Variants in GABBR2 observed in about 807,000 individuals in gnomAD.
The protein encoded by GABBR2 is G-protein coupled receptor 51.
A neutral mutation model predicts 105.6 loss-of-function variants in GABBR2; 23 were observed. The ratio of observed to expected loss-of-function variants is 0.22; its 90% CI spans 0.16 to 0.31. The LOEUF (loss-of-function observed/expected upper bound fraction) is 0.31. Among genes scored for constraint, GABBR2 ranks in the 10% least tolerant of loss-of-function variants. The pLI is 1.00. For synonymous variants in GABBR2, 478 were observed against 499.7 expected (o/e 0.96, Z 0.58); for missense variants, 734 against 1,245.5 (o/e 0.59, Z 6.18).
At chr9:98,675,623 T>A (rs1830467525) in intron 1 of GABBR2, among the ~76,000 whole-genome samples, 1 of 151,864 alleles carries the variant, frequency 6.6e-6, no homozygotes, top group Non-Finnish European at 1.5e-5. Flanking sequence ...AAGGTGGGAG[T>A]GGGTGAGTGG....
At position 98,606,021 on chromosome 9, in the gene GABBR2, G is replaced by A. The variant is rs552354902; in HGVS notation, c.322-27949C>T. Among the ~76,000 whole-genome samples, 10 of 152,116 alleles carry A rather than the reference G, an allele frequency of 6.6e-5. No individual in the cohort carries two copies. The East Asian group carries it at 9.7e-4, about 15-fold the overall frequency. On this transcript the variant is annotated intron_variant, in intron 1 of 18. Coordinates refer to ENST00000259455, the MANE Select transcript of GABBR2 (RefSeq NM_005458.8). ...TTCCCACCTATGAGTGAGAACATGC[G>A]GTGTTTGGTTTTTTGTCCTTGCTAT...
At chr9:98,333,935 A>G (rs1831071123) in intron 13 of GABBR2, among the ~76,000 whole-genome samples, 7 of 152,224 alleles carry the variant, frequency 4.6e-5, no homozygotes, top group Admixed American at 4.6e-4. Flanking sequence ...TGGGGATAAT[A>G]ATGGTAATTC....
At chr9:98,294,869 TCAAAATAATATTGTGTAGC>T (rs1356419978) in intron 17 of GABBR2, among the ~76,000 whole-genome samples, 7 of 152,222 alleles carry the variant, frequency 4.6e-5, no homozygotes, top group Non-Finnish European at 7.3e-5. Context: ...GGACCTCCAT[TCAAAATAATATTGTGTAGC>T]CACAAAATAT....
chr9:98,392,279 T>C (rs1832195138), intron 9 of GABBR2, among the ~76,000 whole-genome samples: 1 of 152,230 alleles, frequency 6.6e-6, no homozygotes, highest in East Asian at 1.9e-4. Flanking sequence ...AAGTTGTATT[T>C]TGTGTCTTTT....
At chr9:98,390,696 C>G (rs910267124) in intron 9 of GABBR2, among the ~76,000 whole-genome samples, 2 of 152,096 alleles carry the variant, frequency 1.3e-5, no homozygotes, top group African/African-American at 4.8e-5. Context: ...ACACCTGGCT[C>G]AGGTGCCTTC....
intron 3 of GABBR2, among the ~76,000 whole-genome samples, chr9:98,511,988 C>T (rs1469562928): frequency 1.3e-5 from 2 of 152,180 alleles, no homozygotes; most frequent in Non-Finnish European, 2.9e-5. Flanking sequence ...CCTTCATGAA[C>T]ATCGATGCAG....
intron 1 of GABBR2, among the ~76,000 whole-genome samples, chr9:98,633,740 C>T (rs555868273): frequency 2.6e-5 from 4 of 151,996 alleles, no homozygotes; most frequent in South Asian, 4.2e-4. Flanking sequence ...GGAGCCAGGG[C>T]GGGGAGGGAC....
chr9:98,565,210 C>T (rs775708218), intron 2 of GABBR2, among the ~76,000 whole-genome samples: 6 of 152,154 alleles, frequency 3.9e-5, no homozygotes, highest in Non-Finnish European at 8.8e-5. Flanking sequence ...AAAGCTCTGG[C>T]GGAGATCAAG....
intron 13 of GABBR2, among the ~76,000 whole-genome samples, chr9:98,345,102 G>A (rs1324469703): frequency 6.6e-6 from 1 of 151,948 alleles, no homozygotes; most frequent in African/African-American, 2.4e-5. Flanking sequence ...CAATCACCAC[G>A]TCTCGTCATG....
At chr9:98,673,599 G>GC (rs1830433910) in intron 1 of GABBR2, among the ~76,000 whole-genome samples, 2 of 148,082 alleles carry the variant, frequency 1.4e-5, no homozygotes, top group Admixed American at 6.7e-5. Flanking sequence ...AAAAAAAACA[G>GC]GGAATAAAAA....
chr9:98,708,310 G>A (rs902552621), intron 1 of GABBR2, 107 bp downstream of exon 1: 33 of 1,163,604 alleles, frequency 2.8e-5, no homozygotes, highest in South Asian at 5.1e-5. Context: ...CGGCAGGCGC[G>A]GGCCGGTCAA....
chr9:98,553,301 A>G (rs539981820), intron 2 of GABBR2, among the ~76,000 whole-genome samples: 1 of 152,192 alleles, frequency 6.6e-6, no homozygotes, highest in African/African-American at 2.4e-5. Context: ...ATAGCTAGTA[A>G]GAGGCAAAGC....
intron 18 of GABBR2, 93 bp downstream of exon 18, chr9:98,293,692 A>G (rs1306975703): frequency 1.4e-6 from 1 of 696,778 alleles, no homozygotes; most frequent in African/African-American, 1.8e-5. Context: ...CAAATAAAAT[A>G]ATGGATGTGA....
chr9:98,507,091 AT>A (rs1287003290), intron 3 of GABBR2, among the ~76,000 whole-genome samples: 1 of 152,102 alleles, frequency 6.6e-6, no homozygotes, highest in African/African-American at 2.4e-5. Flanking sequence ...CCCTCTTTCG[AT>A]CAGCCAGGCT....
In GABBR2 at chr9:98,430,288, CAAAAA is replaced by C. The variant is rs55760467; in HGVS notation, c.1236+23688_1236+23692del. ...CTGGCGACAGAGCGAGACTCCGTCT[CAAAAA>C]AAAAAAAAAAAAAAAAAGTTCCTTG... On this transcript the variant is annotated intron_variant, in intron 7 of 18. Transcript: ENST00000259455. 1.8e-3 allele frequency among the ~76,000 whole-genome samples: 163 copies of C among 88,968 alleles called. 1 individual carries two copies. Among genetic ancestry groups the C allele is most frequent in the African/African-American group, 6.6e-3 (136 of 20,754 alleles). The allele number at this position is 88,968 out of a possible 152,430, so 58.4% of individuals were successfully genotyped here. A position where few individuals can be genotyped will look rare whatever the true frequency, so the allele number is the denominator to read the frequency against.
intron 7 of GABBR2, among the ~76,000 whole-genome samples, chr9:98,434,180 C>T (rs1417947770): frequency 6.6e-6 from 1 of 152,224 alleles, no homozygotes; most frequent in Non-Finnish European, 1.5e-5. Flanking sequence ...CTGGATACTT[C>T]CTGCCCTTGA....
At chr9:98,447,352 C>T (rs539645897) in intron 7 of GABBR2, among the ~76,000 whole-genome samples, 2 of 151,842 alleles carry the variant, frequency 1.3e-5, no homozygotes, top group East Asian at 3.9e-4. Flanking sequence ...CGTGAGCCAC[C>T]GCGCCCGGCC....
intron 13 of GABBR2, among the ~76,000 whole-genome samples, chr9:98,334,722 AG>A (rs1831084966): frequency 6.6e-6 from 1 of 152,204 alleles, no homozygotes; most frequent in South Asian, 2.1e-4. Flanking sequence ...CTGTCCCCTA[AG>A]GGGTGGTTCA....
At chr9:98,677,474 T>C (rs1176555789) in intron 1 of GABBR2, among the ~76,000 whole-genome samples, 1 of 152,248 alleles carries the variant, frequency 6.6e-6, no homozygotes, top group Non-Finnish European at 1.5e-5. Flanking sequence ...TGGTGGTTAT[T>C]GGCTATGTAT....
Sources: allele counts gnomAD v4.1 joint callset (sites outside exome capture counted in the v4.1 genomes callset), GRCh38; gene constraint gnomAD v4.1.1; transcripts MANE v1.5; gene names NCBI Gene and HGNC (gene_info 2026-07-23, HGNC 2026-07-21).